The following CCNH variants were observed in gnomAD, a reference collection of about 807,000 sequenced individuals.
CCNH encodes the protein cyclin H.
CCNH carries 31 observed loss-of-function variants against 41.9 expected under a neutral mutation model. The ratio of observed to expected loss-of-function variants is 0.74; its 90% confidence interval spans 0.56 to 1.00. CCNH has a LOEUF of 1.00. Ranked by LOEUF, CCNH falls within the 50% of genes least tolerant of loss-of-function variation. The pLI is 0.00. For missense variants in CCNH, 362 were observed against 388.4 expected (o/e 0.93, Z 0.57); for synonymous variants, 138 against 136.1 (o/e 1.01, Z -0.10).
chr5:87,374,519 T>G (rs2112485943), downstream of CCNH, among the ~76,000 whole-genome samples: 1 of 150,448 alleles, frequency 6.6e-6, no homozygotes. Context: ...ATGCCCTTGG[T>G]TTTTCCACTT....
intron 9 of CCNH, among the ~76,000 whole-genome samples, chr5:87,344,257 T>C (rs1179128830): frequency 6.6e-6 from 1 of 152,170 alleles, no homozygotes; most frequent in Non-Finnish European, 1.5e-5. Flanking sequence ...CCTGACTTGA[T>C]CATTAAACAT....
At position 87,338,535 on chromosome 5, in the gene CCNH, A is replaced by ATTTTTTT. The variant is rs1561292521; in HGVS notation, c.*91-19639_*91-19638insAAAAAAA. Among the ~76,000 whole-genome samples the ATTTTTTT allele has an allele frequency of 2.2e-3, 211 of 95,874 alleles. 7 individuals carry two copies. Among genetic ancestry groups the ATTTTTTT allele is most frequent in the African/African-American group, 9.3e-3 (195 of 20,920 alleles). 62.9% of individuals were successfully genotyped at this position (95,874 alleles called of 152,430 possible). ...TATATATATATATATATATATATAA[A>ATTTTTTT]ATTTTTTTTTTTTTTAAGTAGAAAT... On this transcript the variant is annotated intron_variant and NMD_transcript_variant, in intron 9 of 9. Coordinates refer to the CCNH transcript ENST00000645953.
downstream of CCNH, among the ~76,000 whole-genome samples, chr5:87,388,768 T>C (rs1420129418): frequency 6.6e-6 from 1 of 152,160 alleles, no homozygotes. Context: ...TTATATGCAT[T>C]ATCAACTTAG....
At chr5:87,409,760 C>CA (rs1249556170) in intron 2 of CCNH, among the ~76,000 whole-genome samples, 2 of 151,718 alleles carry the variant, frequency 1.3e-5, no homozygotes, top group African/African-American at 2.4e-5. Context: ...AAAATACTGA[C>CA]AAAAAAACAT....
downstream of CCNH, chr5:87,374,446 T>C: frequency 3.7e-6 from 1 of 268,572 alleles, no homozygotes; most frequent in Non-Finnish European, 6.1e-6. Flanking sequence ...TAATAGCATA[T>C]ATATATATAT....
upstream of CCNH, among the ~76,000 whole-genome samples, chr5:87,379,520 G>C (rs1359641163): frequency 1.3e-5 from 2 of 152,106 alleles, no homozygotes; most frequent in Non-Finnish European, 2.9e-5. Context: ...TTGCTTTTCA[G>C]TTGGCTAATT....
At chr5:87,319,031 A>G (rs1031325688) in intron 9 of CCNH, 1 of 152,556 alleles carries the variant, frequency 6.6e-6, no homozygotes, top group African/African-American at 2.4e-5. Context: ...CTGAAACCCA[A>G]CAGGGAAGTC....
upstream of CCNH, chr5:87,380,553 A>G (rs372559312): frequency 4.2e-5 from 67 of 1,613,446 alleles, no homozygotes; most frequent in South Asian, 1.1e-4. Flanking sequence ...TCTGTTCAGC[A>G]TAAGTGGCCT....
chr5:87,321,500 C>T (rs557929358), intron 9 of CCNH, among the ~76,000 whole-genome samples: 10 of 152,314 alleles, frequency 6.6e-5, no homozygotes, highest in African/African-American at 2.2e-4. Context: ...GTTGGGGTTT[C>T]CACAACCCCC....
intron 9 of CCNH, among the ~76,000 whole-genome samples, chr5:87,330,573 G>C (rs979427324): frequency 2.3e-4 from 35 of 152,078 alleles, no homozygotes; most frequent in African/African-American, 8.2e-4. Context: ...ATATTTCTAA[G>C]CATGTTTCTG....
chr5:87,407,934 G>A (rs1763917935), intron 4 of CCNH, 42 bp downstream of exon 4: 11 of 1,398,766 alleles, frequency 7.9e-6, no homozygotes, highest in Non-Finnish European at 1.0e-5. Context: ...TAAAGAATAG[G>A]AAAGGAGAAT....
At chr5:87,350,257 G>A (rs1759164461) in intron 9 of CCNH, among the ~76,000 whole-genome samples, 1 of 151,838 alleles carries the variant, frequency 6.6e-6, no homozygotes, top group African/African-American at 2.4e-5. Context: ...CTAGGCAGCT[G>A]TACCCTTTTG....
upstream of CCNH, among the ~76,000 whole-genome samples, chr5:87,378,100 GCTGT>G (rs1761446515): frequency 6.6e-6 from 1 of 152,126 alleles, no homozygotes; most frequent in African/African-American, 2.4e-5. Context: ...TTTATCATTA[GCTGT>G]CTAATTGATC....
chr5:87,404,406 T>C (rs1019009652), intron 5 of CCNH, among the ~76,000 whole-genome samples: 1 of 152,184 alleles, frequency 6.6e-6, no homozygotes, highest in Non-Finnish European at 1.5e-5. Flanking sequence ...ACCTCAAAGG[T>C]CATAAATTGA....
At chr5:87,339,370 C>T (rs187141947) in intron 9 of CCNH, among the ~76,000 whole-genome samples, 3 of 152,232 alleles carry the variant, frequency 2.0e-5, no homozygotes, top group Admixed American at 1.3e-4. Flanking sequence ...CTGTATTCTA[C>T]AGTAAAAGAG....
Position 87,332,615 on chromosome 5 carries a change from ATTACT to A in CCNH, c.*91-13723_*91-13719del. ...TTTCTTGTTTGCTTAAAGGAGAAAAATTACTTTACCCAGTTGCACCACCAGAGGCA... is the reference window on the plus strand; with the variant it reads ...TTTCTTGTTTGCTTAAAGGAGAAAAATTACCCAGTTGCACCACCAGAGGCA... On this transcript the variant is annotated intron_variant and NMD_transcript_variant, in intron 9 of 9. Transcript: ENST00000645953. 6.2e-7 allele frequency: 1 copy of A among 1,611,178 alleles called. No homozygotes were observed. The highest frequency in any genetic ancestry group is 8.5e-7 in the Non-Finnish European group (1 of 1,178,004).
intron 9 of CCNH, among the ~76,000 whole-genome samples, chr5:87,382,399 A>C (rs1356311454): frequency 2.6e-5 from 4 of 152,226 alleles, no homozygotes; most frequent in Non-Finnish European, 5.9e-5. Flanking sequence ...TGTATCTATT[A>C]ATCTATAGAA....
downstream of CCNH, among the ~76,000 whole-genome samples, chr5:87,375,094 T>C (rs575985191): frequency 6.6e-6 from 1 of 152,280 alleles, no homozygotes; most frequent in East Asian, 1.9e-4. Flanking sequence ...ATACCTAAGA[T>C]AGAAAAAGAC....
chr5:87,357,462 C>T (rs1442399844), intron 9 of CCNH, among the ~76,000 whole-genome samples: 1 of 152,060 alleles, frequency 6.6e-6, no homozygotes, highest in Non-Finnish European at 1.5e-5. Context: ...TTTCCCCATA[C>T]TGAATTTGTA....
Sources: gnomAD v4.1 joint callset for allele counts (sites outside exome capture counted in the v4.1 genomes callset) on GRCh38, gnomAD v4.1.1 for gene constraint, MANE v1.5 for transcripts, NCBI Gene and HGNC (gene_info 2026-07-23, HGNC 2026-07-21) for gene names.